AGBL2: variants seen among roughly 807,000 people sequenced by gnomAD.
AGBL2 encodes the protein AGBL carboxypeptidase 2.
A neutral mutation model predicts 103.0 loss-of-function variants in AGBL2; 87 were observed. That is an observed-to-expected ratio of 0.84 (90% CI 0.71 to 1.01). The LOEUF (loss-of-function observed/expected upper bound fraction) is 1.01, where lower values mean the gene tolerates loss of function less well. Ranked by LOEUF, AGBL2 falls within the 50% of genes least tolerant of loss-of-function variation. AGBL2 has a pLI of 0.00. For missense variants in AGBL2, 904 were observed against 1,023.5 expected, an observed-to-expected ratio of 0.88 and a Z score of 1.59; for synonymous variants, 335 against 356.7, an observed-to-expected ratio of 0.94 and a Z score of 0.69.
chr11:47,690,810 G>T lies in AGBL2; in HGVS notation c.897C>A (p.Asn299Lys), dbSNP rs1164328093. ...GAAAATAAAACCACTGAGTGTGTTT[G>T]TTAGTGTAGAGGTCAGTTCGCAAGG... ...ELTLRTDLYT[N>K]KHTQWFYFRV... The change falls in exon 10 of 19, where the codon AAC becomes AAA. Residue 299 changes from asparagine (N) to lysine (K), a missense_variant. Transcript: ENST00000525123. 1 of 1,613,664 alleles carries T rather than the reference G, an allele frequency of 6.2e-7. No homozygotes were observed. The highest frequency in any genetic ancestry group is 1.7e-5 in the Admixed American group (1 of 60,002).
intron 2 of AGBL2, 32 bp from the exon 3 acceptor site, chr11:47,714,379 AAT>A (rs1333353706): frequency 6.3e-7 from 1 of 1,595,510 alleles, no homozygotes; most frequent in East Asian, 2.2e-5. Flanking sequence ...CAATCAAGAT[AAT>A]GTTTTCAAAC....
intron 7 of AGBL2, among the ~76,000 whole-genome samples, chr11:47,699,932 T>A (rs1455987721): frequency 6.6e-6 from 1 of 152,088 alleles, no homozygotes; most frequent in Non-Finnish European, 1.5e-5. Context: ...GTCTATCAAT[T>A]GTTTCAGAGG....
At chr11:47,684,227 C>T (rs1280433964) in intron 11 of AGBL2, among the ~76,000 whole-genome samples, 1 of 151,254 alleles carries the variant, frequency 6.6e-6, no homozygotes, top group Non-Finnish European at 1.5e-5. Flanking sequence ...GAGTGGAGAT[C>T]GTGTTACTGC....
At chr11:47,663,522 C>T (rs2153802524) in intron 17 of AGBL2, among the ~76,000 whole-genome samples, 1 of 151,032 alleles carries the variant, frequency 6.6e-6, no homozygotes. Context: ...GTGGGGATTC[C>T]CCAGTATTAC....
At chr11:47,696,466 G>A (rs750003488) in intron 8 of AGBL2, among the ~76,000 whole-genome samples, 30 of 152,020 alleles carry the variant, frequency 2.0e-4, no homozygotes, top group East Asian at 1.6e-3. Flanking sequence ...AGGGTTTCAC[G>A]TAGGCCAGGC....
chr11:47,659,698 G>A lies in AGBL2; in HGVS notation c.*475C>T, dbSNP rs2097323608. On this transcript the variant is annotated 3_prime_UTR_variant, in exon 19 of 19. Coordinates refer to ENST00000525123, the MANE Select transcript of AGBL2 (RefSeq NM_024783.4). ...GTAATACATGCATTGTTATTTCTAT[G>A]TGGGAATACCTCATTGTGAGCAAAC... 1 of 152,570 alleles carries A rather than the reference G, an allele frequency of 6.6e-6. No homozygotes were observed. The highest frequency in any genetic ancestry group is 2.4e-5 in the African/African-American group (1 of 41,438). 9.5% of individuals were successfully genotyped at this position (152,570 alleles called of 1,614,324 possible).
chr11:47,697,782 G>C (rs1331329193), intron 8 of AGBL2, among the ~76,000 whole-genome samples: 1 of 149,238 alleles, frequency 6.7e-6, no homozygotes, highest in African/African-American at 2.5e-5. Context: ...TCCTGACCTC[G>C]TCGTCCGCCC....
chr11:47,678,251 C>T (rs1423202649), intron 13 of AGBL2, among the ~76,000 whole-genome samples: 1 of 150,652 alleles, frequency 6.6e-6, no homozygotes, highest in Non-Finnish European at 1.5e-5. Flanking sequence ...CGTGAGCCAT[C>T]ATGCCTGGCT....
At chr11:47,670,255 A>G (rs2097353368) in intron 14 of AGBL2, among the ~76,000 whole-genome samples, 1 of 152,236 alleles carries the variant, frequency 6.6e-6, no homozygotes, top group Admixed American at 6.5e-5. Context: ...TATTCAATAT[A>G]TAAACATATG....
intron 11 of AGBL2, among the ~76,000 whole-genome samples, chr11:47,683,372 C>G (rs1394521290): frequency 6.6e-6 from 1 of 151,648 alleles, no homozygotes; most frequent in Non-Finnish European, 1.5e-5. Context: ...ACTCAAAAAA[C>G]AAAAGAGAGA....
In AGBL2 at chr11:47,666,520, T is replaced by C. The variant is rs183261511; in HGVS notation, c.2448+436A>G. On this transcript the variant is annotated intron_variant, in intron 17 of 18. Transcript: ENST00000525123. ...CTCTGTGATACAATTTCCTACTTAC[T>C]TGCTGAAATCTCCACCAGATTCTGA... The C allele has an allele frequency of 2.3e-5, 8 of 342,838 alleles. No individual in the cohort carries two copies. In the East Asian group the frequency reaches 4.7e-4, roughly 20 times the overall value. 21.2% of individuals were successfully genotyped at this position (342,838 alleles called of 1,614,324 possible).
chr11:47,695,456 C>CAGAGGA, intron 8 of AGBL2, among the ~76,000 whole-genome samples: 2 of 121,098 alleles, frequency 1.7e-5, no homozygotes, highest in Non-Finnish European at 3.2e-5. Context: ...GCCTGGGCGA[C>CAGAGGA]GAAAGTGAAA....
intron 3 of AGBL2, among the ~76,000 whole-genome samples, chr11:47,711,095 T>A (rs2097535399): frequency 6.6e-6 from 1 of 150,616 alleles, no homozygotes; most frequent in Admixed American, 6.6e-5. Context: ...AAAAAAAAAA[T>A]AGAAAAGGCT....
At chr11:47,664,877 T>G (rs1047707557) in intron 17 of AGBL2, among the ~76,000 whole-genome samples, 7 of 126,430 alleles carry the variant, frequency 5.5e-5, no homozygotes, top group Non-Finnish European at 9.8e-5. Context: ...ACCTCCCACC[T>G]TTTTTTTTTT....
intron 8 of AGBL2, among the ~76,000 whole-genome samples, chr11:47,698,829 T>C (rs2097486882): frequency 6.6e-6 from 1 of 152,120 alleles, no homozygotes; most frequent in African/African-American, 2.4e-5. Context: ...AATTTTATTA[T>C]GGTCAGAGAA....
At chr11:47,689,302 ATTTTTTT>A (rs397741033) in intron 10 of AGBL2, among the ~76,000 whole-genome samples, 5 of 126,218 alleles carry the variant, frequency 4.0e-5, no homozygotes, top group African/African-American at 1.2e-4. Context: ...CCACTTCTCA[ATTTTTTT>A]TTTTTTTTTT....
At chr11:47,664,890 T>TA (rs61214268) in intron 17 of AGBL2, among the ~76,000 whole-genome samples, 28,649 of 144,578 alleles carry the variant, frequency 0.2, 3,152 homozygotes, top group East Asian at 0.29. Context: ...TTTTTTTTTT[T>TA]TTTTAATTTT....
intron 12 of AGBL2, 43 bp downstream of exon 12, chr11:47,681,926 T>C (rs745802329): frequency 1.6e-5 from 25 of 1,591,742 alleles, no homozygotes; most frequent in Non-Finnish European, 2.1e-5. Context: ...TTGCTTGGAT[T>C]TCCCTTCCTA....
At chr11:47,703,731 G>C (rs575133776) in intron 7 of AGBL2, among the ~76,000 whole-genome samples, 232 of 151,976 alleles carry the variant, frequency 1.5e-3, no homozygotes, top group Middle Eastern at 3.4e-3. Context: ...TTCGAGACCA[G>C]ACTGACCAAC....
Sources: allele counts gnomAD v4.1 joint callset (sites outside exome capture counted in the v4.1 genomes callset), GRCh38; gene constraint gnomAD v4.1.1; transcripts MANE v1.5; gene names NCBI Gene and HGNC (gene_info 2026-07-23, HGNC 2026-07-21).